DYNC1I1: variants seen among roughly 807,000 people sequenced by gnomAD.
DYNC1I1 encodes dynein cytoplasmic 1 intermediate chain 1, also known as cytoplasmic dynein 1 intermediate chain 1.
DYNC1I1 carries 43 observed loss-of-function variants against 86.6 expected under a neutral mutation model. That is an observed-to-expected ratio of 0.50 (90% confidence interval 0.39 to 0.64). The LOEUF is 0.64. Among genes scored for constraint, DYNC1I1 ranks in the 30% least tolerant of loss-of-function variants. The probability of loss-of-function intolerance (pLI) is 0.00; values close to 1 mark genes in which losing one functional copy is unlikely to be tolerated. For synonymous variants in DYNC1I1, 262 were observed against 283.7 expected, an observed-to-expected ratio of 0.92 and a Z score of 0.77; for missense variants, 604 against 788.8, an observed-to-expected ratio of 0.77 and a Z score of 2.81.
chr7:96,043,550 A>AAC, intron 14 of DYNC1I1, among the ~76,000 whole-genome samples: 1 of 151,948 alleles, frequency 6.6e-6, no homozygotes, highest in Non-Finnish European at 1.5e-5. Flanking sequence ...AAAAAAAAAA[A>AAC]ACAGAACAAA....
chr7:95,827,505 A>G (rs534256457), intron 4 of DYNC1I1, among the ~76,000 whole-genome samples: 1 of 152,356 alleles, frequency 6.6e-6, no homozygotes, highest in East Asian at 1.9e-4. Context: ...GTTGGTGACC[A>G]TCTTGGTGTA....
intron 6 of DYNC1I1, among the ~76,000 whole-genome samples, chr7:95,905,195 A>G (rs1288634077): frequency 6.6e-6 from 1 of 151,602 alleles, no homozygotes; most frequent in Non-Finnish European, 1.5e-5. Flanking sequence ...ATTATAAACC[A>G]TGACAGGCAA....
chr7:95,797,027 AT>A (rs992846606), intron 1 of DYNC1I1, among the ~76,000 whole-genome samples: 8 of 152,160 alleles, frequency 5.3e-5, no homozygotes, highest in African/African-American at 1.7e-4. Context: ...TTTTAAAAAA[AT>A]AACTCAGCTT....
At chr7:95,782,107 C>T (rs1159711073) in intron 1 of DYNC1I1, among the ~76,000 whole-genome samples, 1 of 152,184 alleles carries the variant, frequency 6.6e-6, no homozygotes, top group Non-Finnish European at 1.5e-5. Context: ...TATACTTTTA[C>T]AATCCCTGTG....
chr7:95,774,792 AC>A (rs1793799946), intron 1 of DYNC1I1, among the ~76,000 whole-genome samples: 1 of 152,152 alleles, frequency 6.6e-6, no homozygotes, highest in African/African-American at 2.4e-5. Context: ...AGCGATGTAG[AC>A]CAGTCTTGTA....
At chr7:96,012,488 A>C (rs1311264338) in intron 10 of DYNC1I1, among the ~76,000 whole-genome samples, 1 of 152,206 alleles carries the variant, frequency 6.6e-6, no homozygotes, top group Non-Finnish European at 1.5e-5. Flanking sequence ...AAACAATTCA[A>C]ATTAACCTTT....
chr7:95,992,542 G>A (rs1461508013), intron 9 of DYNC1I1, among the ~76,000 whole-genome samples: 2 of 152,086 alleles, frequency 1.3e-5, no homozygotes, highest in Non-Finnish European at 2.9e-5. Context: ...AGGGTTATGA[G>A]GACCAAATGA....
At chr7:96,051,243 G>T (rs1332881919) in intron 14 of DYNC1I1, among the ~76,000 whole-genome samples, 1 of 152,098 alleles carries the variant, frequency 6.6e-6, no homozygotes, top group Non-Finnish European at 1.5e-5. Context: ...ACTTCAGGGG[G>T]ATTTAGGTTC....
intron 14 of DYNC1I1, among the ~76,000 whole-genome samples, chr7:96,040,552 G>A (rs1317391567): frequency 2.0e-5 from 3 of 152,030 alleles, no homozygotes; most frequent in Non-Finnish European, 2.9e-5. Flanking sequence ...GAACAGCAGG[G>A]GAAGGACATG....
chr7:95,891,748 G>A (rs1242982932), intron 6 of DYNC1I1, among the ~76,000 whole-genome samples: 1 of 152,126 alleles, frequency 6.6e-6, no homozygotes, highest in Non-Finnish European at 1.5e-5. Context: ...GTTTTATTTG[G>A]TCTGCTCACT....
chr7:96,037,288 T>G (rs2299279), intron 13 of DYNC1I1, among the ~76,000 whole-genome samples: 37,074 of 152,122 alleles, frequency 0.24, 4,753 homozygotes, highest in East Asian at 0.32. Flanking sequence ...AGCATAAAAA[T>G]ATTTGATAAA....
intron 10 of DYNC1I1, among the ~76,000 whole-genome samples, chr7:96,011,540 C>A (rs2115850283): frequency 6.6e-6 from 1 of 152,182 alleles, no homozygotes; most frequent in Non-Finnish European, 1.5e-5. Flanking sequence ...GAATTTTCAC[C>A]TTGTGAAATT....
chr7:95,940,028 A>G (rs1562950110), intron 6 of DYNC1I1, among the ~76,000 whole-genome samples: 2 of 152,064 alleles, frequency 1.3e-5, no homozygotes, highest in African/African-American at 2.4e-5. Flanking sequence ...GCTTGTCTGT[A>G]AAGTATTTTA....
At chr7:95,928,665 G>A (rs1254914897) in intron 6 of DYNC1I1, among the ~76,000 whole-genome samples, 1 of 152,192 alleles carries the variant, frequency 6.6e-6, no homozygotes, top group Non-Finnish European at 1.5e-5. Flanking sequence ...AGCAGTGGCT[G>A]TTCTCTGTTG....
intron 11 of DYNC1I1, 128 bp from the exon 12 acceptor site, chr7:96,032,539 C>A: frequency 5.8e-6 from 4 of 686,864 alleles, no homozygotes; most frequent in Middle Eastern, 3.0e-4. Flanking sequence ...GGCAAATGAC[C>A]TGACGCTTGT....
intron 16 of DYNC1I1, among the ~76,000 whole-genome samples, chr7:96,092,058 A>G (rs1016451096): frequency 2.0e-5 from 3 of 152,176 alleles, no homozygotes; most frequent in African/African-American, 7.2e-5. Context: ...TTTTCTTGTG[A>G]TTTGAAAGAA....
intron 1 of DYNC1I1, among the ~76,000 whole-genome samples, chr7:95,787,774 A>G (rs931168837): frequency 1.1e-4 from 16 of 152,332 alleles, no homozygotes; most frequent in Middle Eastern, 6.8e-3. Flanking sequence ...ATATATAATG[A>G]AGAAAAACTT....
intron 6 of DYNC1I1, among the ~76,000 whole-genome samples, chr7:95,891,257 G>C (rs965311575): frequency 1.3e-5 from 2 of 152,204 alleles, no homozygotes; most frequent in African/African-American, 4.8e-5. Flanking sequence ...ATATATTTCC[G>C]ATGTTTGATC....
chr7:95,815,238 G>A (rs930286550), intron 4 of DYNC1I1, among the ~76,000 whole-genome samples: 1 of 152,064 alleles, frequency 6.6e-6, no homozygotes, highest in Non-Finnish European at 1.5e-5. Context: ...CTTCTTAGGT[G>A]ATTTTTTTTA....
Sources: allele counts gnomAD v4.1 joint callset (sites outside exome capture counted in the v4.1 genomes callset), GRCh38; gene constraint gnomAD v4.1.1; transcripts MANE v1.5; gene names NCBI Gene and HGNC (gene_info 2026-07-23, HGNC 2026-07-21).